The following MTF2 variants were observed in gnomAD, a reference collection of about 807,000 sequenced individuals.
The protein encoded by MTF2 is metal-response element-binding transcription factor 2.
MTF2 carries 11 observed loss-of-function variants against 79.5 expected under a neutral mutation model. The observed-to-expected ratio is 0.14, with a 90% confidence interval of 0.09 to 0.23. MTF2 has a LOEUF of 0.23. Among genes scored for constraint, MTF2 ranks in the 10% least tolerant of loss-of-function variants. The pLI is 1.00. For synonymous variants in MTF2, 208 were observed against 232.8 expected (o/e 0.89, Z 0.97); for missense variants, 486 against 711.2 (o/e 0.68, Z 3.60).
At chr1:93,092,074 T>C (rs1178262205) in intron 1 of MTF2, among the ~76,000 whole-genome samples, 1 of 152,176 alleles carries the variant, frequency 6.6e-6, no homozygotes, top group Non-Finnish European at 1.5e-5. Flanking sequence ...CCTTTGGTTG[T>C]CTTAATCTGT....
chr1:93,080,156 A>G (rs1191590934), intron 1 of MTF2, among the ~76,000 whole-genome samples: 4 of 152,126 alleles, frequency 2.6e-5, no homozygotes, highest in Non-Finnish European at 4.4e-5. Flanking sequence ...TAGGTAGCTT[A>G]TATTTGGAGC....
At chr1:93,123,771 C>CCT (rs906306416) in intron 9 of MTF2, among the ~76,000 whole-genome samples, 3 of 140,664 alleles carry the variant, frequency 2.1e-5, no homozygotes, top group Non-Finnish European at 4.6e-5. Context: ...TCCCCCCCCC[C>CCT]TTTTTTTAAT....
intron 1 of MTF2, among the ~76,000 whole-genome samples, chr1:93,084,605 A>T (rs1029673027): frequency 6.6e-6 from 1 of 152,194 alleles, no homozygotes; most frequent in Non-Finnish European, 1.5e-5. Flanking sequence ...AATATTATTA[A>T]CATCTATGAA....
Position 93,121,290 on chromosome 1 carries a change from A to G in MTF2, c.921+618A>G, listed in dbSNP as rs1656466355. 11 of 885,058 alleles carry G rather than the reference A, an allele frequency of 1.2e-5. No individual in the cohort carries two copies. In the South Asian group the frequency reaches 4.2e-4, roughly 34 times the overall value. The allele number at this position is 885,058 out of a possible 1,614,324, so 54.8% of individuals were successfully genotyped here. ...GTTCATTAAAGAAAATTTTGAAACT[A>G]ATGAATAGCAGAAAGAGAAAAGTAA... On this transcript the variant is annotated intron_variant, in intron 9 of 14. Coordinates refer to ENST00000370298, the MANE Select transcript of MTF2 (RefSeq NM_007358.4).
chr1:93,079,464 C>T lies in MTF2; in HGVS notation c.-63C>T. The T allele has an allele frequency of 1.9e-6, 3 of 1,611,988 alleles. No homozygotes were observed. Among genetic ancestry groups the T allele is most frequent in the Non-Finnish European group, 1.7e-6 (2 of 1,178,722 alleles). Reference sequence around the variant, plus strand: ...AGTGCTCGGACTCGCAGGGGAAGCGCCCACGGGGACGGATTGGTTGTTTTT... The same window carrying T: ...AGTGCTCGGACTCGCAGGGGAAGCGTCCACGGGGACGGATTGGTTGTTTTT... On this transcript the variant is annotated 5_prime_UTR_variant, in exon 1 of 15. Transcript: ENST00000370298.
chr1:93,131,551 A>G (rs966584606), intron 11 of MTF2, among the ~76,000 whole-genome samples: 4 of 152,146 alleles, frequency 2.6e-5, no homozygotes, highest in African/African-American at 9.7e-5. Context: ...AAAATAGGAA[A>G]CTATCTTTAA....
At chr1:93,123,632 C>T (rs1371530717) in intron 9 of MTF2, among the ~76,000 whole-genome samples, 1 of 151,952 alleles carries the variant, frequency 6.6e-6, no homozygotes, top group Non-Finnish European at 1.5e-5. Context: ...TATAATTTTA[C>T]ATATGATGAG....
intron 1 of MTF2, among the ~76,000 whole-genome samples, chr1:93,102,425 T>A (rs1362160098): frequency 6.6e-6 from 1 of 151,964 alleles, no homozygotes; most frequent in Non-Finnish European, 1.5e-5. Context: ...TACTAAAAAT[T>A]ATTTTTAAAA....
intron 10 of MTF2, among the ~76,000 whole-genome samples, chr1:93,127,746 T>TCTC (rs1330596127): frequency 6.6e-6 from 1 of 152,092 alleles, no homozygotes; most frequent in Non-Finnish European, 1.5e-5. Context: ...TCTAGCTGAG[T>TCTC]AGTCTAAGAT....
intron 3 of MTF2, 48 bp downstream of exon 3, chr1:93,110,674 T>G (rs779969548): frequency 7.1e-7 from 1 of 1,402,420 alleles, no homozygotes; most frequent in South Asian, 1.2e-5. Flanking sequence ...AAAATTTGAT[T>G]TTCTTCAACT....
Position 93,138,318 on chromosome 1 carries a change from A to T in MTF2, c.*1291A>T, listed in dbSNP as rs771737646. 1 of 152,084 alleles carries T rather than the reference A, an allele frequency of 6.6e-6. No homozygotes were observed. Among genetic ancestry groups the T allele is most frequent in the Non-Finnish European group, 1.5e-5 (1 of 67,994 alleles). 9.4% of individuals were successfully genotyped at this position (152,084 alleles called of 1,614,324 possible). Reference sequence around the variant, plus strand: ...TTTTTAGCCAAAGAGTGAACAGAAGATTTTCTTATTTTGGTGGCTATTCAT... The same window carrying T: ...TTTTTAGCCAAAGAGTGAACAGAAGTTTTTCTTATTTTGGTGGCTATTCAT... On this transcript the variant is annotated 3_prime_UTR_variant, in exon 15 of 15. Transcript: ENST00000370298.
rs758992644 is a variant in MTF2, at chr1:93,115,481, A to C, written c.495A>C (p.Ala165=). The change falls in exon 6 of 15, where the codon GCA becomes GCC. Residue 165 remains alanine (A), a synonymous_variant. Transcript: ENST00000370298. Reference sequence around the variant, plus strand: ...TCCCTCTAATGTAGAGGGGTGGTGCACTTAAGAAAGGACCAAATGCCAAAG... The same window carrying C: ...TCCCTCTAATGTAGAGGGGTGGTGCCCTTAAGAAAGGACCAAATGCCAAAG... ...VFATTTKRGG[A]LKKGPNAKAL... 3.3e-5 allele frequency: 52 copies of C among 1,597,308 alleles called. No individual in the cohort carries two copies. The highest frequency in any genetic ancestry group is 4.3e-5 in the Non-Finnish European group (50 of 1,172,938).
intron 6 of MTF2, 46 bp from the exon 7 acceptor site, chr1:93,118,299 C>G (rs369026410): frequency 1.7e-6 from 2 of 1,178,858 alleles, no homozygotes; most frequent in African/African-American, 3.3e-5. Context: ...GAACCTTTCC[C>G]TTAAGACAGG....
chr1:93,110,700 T>A, intron 3 of MTF2, 74 bp downstream of exon 3: 3 of 1,216,160 alleles, frequency 2.5e-6, no homozygotes, highest in Non-Finnish European at 2.4e-6. Flanking sequence ...TATTATGATG[T>A]TGTCTGTTGA....
intron 9 of MTF2, among the ~76,000 whole-genome samples, chr1:93,124,167 G>C (rs549703391): frequency 4.6e-5 from 7 of 152,060 alleles, no homozygotes; most frequent in African/African-American, 1.7e-4. Context: ...TCCTTATGTA[G>C]TTTTTGTACT....
chr1:93,112,271 G>A (rs1427507666), intron 3 of MTF2, among the ~76,000 whole-genome samples: 1 of 152,136 alleles, frequency 6.6e-6, no homozygotes, highest in Non-Finnish European at 1.5e-5. Context: ...CTGCGTTATG[G>A]CATATTTCAG....
At position 93,119,414 on chromosome 1, in the gene MTF2, C is replaced by CT. The variant is rs1356083939; in HGVS notation, c.797+16dup. On this transcript the variant is annotated intron_variant, in intron 8 of 14. Coordinates refer to ENST00000370298, the MANE Select transcript of MTF2 (RefSeq NM_007358.4). ...TACCATTACAGTGGTAAGTGTGGAC[C>CT]TTTCTGTTAAAAGAAAGAAAAGCCA... The CT allele has an allele frequency of 6.4e-7, 1 of 1,563,278 alleles. No homozygotes were observed. Among genetic ancestry groups the CT allele is most frequent in the Non-Finnish European group, 8.6e-7 (1 of 1,157,390 alleles).
chr1:93,128,748 C>G (rs1407854472), intron 10 of MTF2: 1 of 150,242 alleles, frequency 6.7e-6, no homozygotes, highest in Non-Finnish European at 1.5e-5. Flanking sequence ...CTGGAATAAC[C>G]CTTCTTTGCC....
At chr1:93,083,243 G>A (rs765266993) in intron 1 of MTF2, among the ~76,000 whole-genome samples, 11 of 152,040 alleles carry the variant, frequency 7.2e-5, no homozygotes, top group Non-Finnish European at 1.6e-4. Context: ...CAGCAGGGGG[G>A]AAAATCTGCC....
Sources: gnomAD v4.1 joint callset for allele counts (sites outside exome capture counted in the v4.1 genomes callset) on GRCh38, gnomAD v4.1.1 for gene constraint, MANE v1.5 for transcripts, NCBI Gene and HGNC (gene_info 2026-07-23, HGNC 2026-07-21) for gene names.